Variants in NLRP1 observed in about 807,000 individuals in gnomAD.
NLRP1 encodes the protein NLR family pyrin domain containing 1, also known as NACHT, LRR and PYD domains-containing protein 1.
In NLRP1, 94 loss-of-function variants were observed where a neutral mutation model predicts 136.7. That is an observed-to-expected ratio of 0.69 (90% CI 0.58 to 0.82). The LOEUF (loss-of-function observed/expected upper bound fraction) is 0.82, where lower values mean the gene tolerates loss of function less well. Among genes scored for constraint, NLRP1 ranks in the 40% least tolerant of loss-of-function variants. NLRP1 has a pLI of 0.00. For missense variants in NLRP1, 1,575 were observed against 1,802.7 expected, an observed-to-expected ratio of 0.87 and a Z score of 2.29; for synonymous variants, 690 against 725.1, an observed-to-expected ratio of 0.95 and a Z score of 0.78.
rs1462525729 is a variant in NLRP1 at position 5,515,461 on chromosome 17, G to C, written c.4102+12C>G. 1 of 1,609,498 alleles carries C rather than the reference G, an allele frequency of 6.2e-7. No individual in the cohort carries two copies. The highest frequency in any genetic ancestry group is 2.2e-5 in the East Asian group (1 of 44,840). On this transcript the variant is annotated intron_variant, in intron 16 of 16. Coordinates refer to ENST00000572272, the MANE Select transcript of NLRP1 (RefSeq NM_033004.4). ...CCACCGCCTCCTGTGGTCTCTGAGA[G>C]CTGTTACTGACCTATGCGGGCTGGA... is the stretch of plus-strand genomic sequence containing the variant.
chr17:5,520,357 GCA>G (rs933326275), intron 14 of NLRP1, among the ~76,000 whole-genome samples: 1 of 152,106 alleles, frequency 6.6e-6, no homozygotes, highest in Non-Finnish European at 1.5e-5. Flanking sequence ...CTATGCCTCT[GCA>G]CACATTCCTT....
intron 8 of NLRP1, among the ~76,000 whole-genome samples, chr17:5,535,537 C>T (rs1910934651): frequency 6.6e-6 from 1 of 152,188 alleles, no homozygotes; most frequent in South Asian, 2.1e-4. Context: ...CATAGGTGCA[C>T]TCACACTGAC....
At chr17:5,509,472 A>G (rs1301150951), downstream of NLRP1, among the ~76,000 whole-genome samples, 1 of 152,194 alleles carries the variant, frequency 6.6e-6, no homozygotes, top group Non-Finnish European at 1.5e-5. Context: ...CACCTGGCAA[A>G]TCCTACTCCT....
At position 5,525,219 on chromosome 17, in the gene NLRP1, A is replaced by C. The variant is rs182051116; in HGVS notation, c.3521-3433T>G. On this transcript the variant is annotated intron_variant, in intron 12 of 16. Coordinates refer to ENST00000572272, the MANE Select transcript of NLRP1 (RefSeq NM_033004.4). Reference sequence around the variant, plus strand: ...GCATCTGCTTATTACACAAAAGCTTACTGAGTACGGACAATGTGCCAGCCC... The same window carrying C: ...GCATCTGCTTATTACACAAAAGCTTCCTGAGTACGGACAATGTGCCAGCCC... Among the ~76,000 whole-genome samples the C allele has an allele frequency of 1.4e-4, 21 of 152,344 alleles. No individual in the cohort carries two copies. In the Middle Eastern group the frequency reaches 0.017, roughly 123 times the overall value.
chr17:5,534,134 G>A, intron 8 of NLRP1, 146 bp from the exon 9 acceptor site: 1 of 712,364 alleles, frequency 1.4e-6, no homozygotes, highest in Non-Finnish European at 2.6e-6. Context: ...GGCCGGGATG[G>A]GTGGATAGCT....
At chr17:5,572,645 G>T (rs1043482970) in intron 3 of NLRP1, among the ~76,000 whole-genome samples, 2 of 150,844 alleles carry the variant, frequency 1.3e-5, no homozygotes, top group South Asian at 4.2e-4. Flanking sequence ...GTGAGGTGGA[G>T]GTTGCAATGA....
intron 3 of NLRP1, among the ~76,000 whole-genome samples, chr17:5,580,179 G>A (rs1312804522): frequency 6.6e-6 from 1 of 152,160 alleles, no homozygotes; most frequent in Non-Finnish European, 1.5e-5. Flanking sequence ...AGCTTGCAGT[G>A]AGTGGAGATC....
At chr17:5,573,163 A>C (rs1441089259) in intron 3 of NLRP1, among the ~76,000 whole-genome samples, 1 of 152,190 alleles carries the variant, frequency 6.6e-6, no homozygotes. Context: ...GCACACCAGG[A>C]GATTATATCC....
intron 16 of NLRP1, 115 bp from the exon 17 acceptor site, chr17:5,515,188 C>G: frequency 9.9e-7 from 1 of 1,008,830 alleles, no homozygotes; most frequent in South Asian, 1.5e-5. Context: ...AGAAATGCAC[C>G]TGTGTCCTCC....
At chr17:5,519,042 G>A (rs919528726) in intron 14 of NLRP1, among the ~76,000 whole-genome samples, 15 of 148,614 alleles carry the variant, frequency 1.0e-4, no homozygotes, top group African/African-American at 2.7e-4. Context: ...TCGCTCTGTC[G>A]CCCAGGCTGG....
intron 15 of NLRP1, among the ~76,000 whole-genome samples, chr17:5,508,685 A>G (rs1907479326): frequency 6.6e-6 from 1 of 152,242 alleles, no homozygotes; most frequent in Non-Finnish European, 1.5e-5. Context: ...ATGCAGGGGA[A>G]GATTATCCTG....
rs970326050 is a variant in NLRP1 at position 5,533,930 on chromosome 17, T to C, written c.3019A>G (p.Thr1007Ala). The C allele has an allele frequency of 1.2e-6, 2 of 1,613,284 alleles. No individual in the cohort carries two copies. Among genetic ancestry groups the C allele is most frequent in the Non-Finnish European group, 8.5e-7 (1 of 1,179,432 alleles). Residue 1007 changes from threonine (T) to alanine (A), a missense_variant, in exon 9 of 17, where the codon ACA becomes GCA. By Grantham distance (58) the Thr-to-Ala change is moderately conservative. Coordinates refer to ENST00000572272, the MANE Select transcript of NLRP1 (RefSeq NM_033004.4). ...AGTCTCTGCCGCTTGAGTGAGGATGTGCTATTACTCATCTCTCCCGTATCC... is the reference window on the plus strand; with the variant it reads ...AGTCTCTGCCGCTTGAGTGAGGATGCGCTATTACTCATCTCTCCCGTATCC... Reference protein sequence around the residue: ...GLDTGEMSNSTSSLKRQRLGS... With the variant: ...GLDTGEMSNSASSLKRQRLGS...
chr17:5,513,269 A>AT (rs1372645496), downstream of NLRP1, among the ~76,000 whole-genome samples: 3 of 151,614 alleles, frequency 2.0e-5, no homozygotes, highest in Non-Finnish European at 2.9e-5. Context: ...TTTCTTTCTT[A>AT]TTTTTTTAAA....
intron 3 of NLRP1, among the ~76,000 whole-genome samples, chr17:5,574,978 TAAAGA>T (rs1904865204): frequency 6.6e-6 from 1 of 152,058 alleles, no homozygotes; most frequent in Non-Finnish European, 1.5e-5. Flanking sequence ...TCAACTTTCT[TAAAGA>T]AAAGAATTTT....
At chr17:5,521,143 C>G (rs1425156609) in intron 13 of NLRP1, 131 bp from the exon 14 acceptor site, 14 of 869,750 alleles carry the variant, frequency 1.6e-5, no homozygotes, top group Admixed American at 5.7e-5. Flanking sequence ...TCCCTCCCCC[C>G]ATGCACTGCT....
chr17:5,544,204 C>A (rs1312091504), intron 5 of NLRP1, among the ~76,000 whole-genome samples: 1 of 152,132 alleles, frequency 6.6e-6, no homozygotes, highest in South Asian at 2.1e-4. Flanking sequence ...ATTATTGCCA[C>A]GCTTTATCTC....
chr17:5,581,940 G>T lies in NLRP1; in HGVS notation c.571C>A (p.Gln191Lys), dbSNP rs1905705270. 6.2e-7 allele frequency: 1 copy of T among 1,613,820 alleles called. No homozygotes were observed. Among genetic ancestry groups the T allele is most frequent in the Non-Finnish European group, 8.5e-7 (1 of 1,179,920 alleles). Residue 191 changes from glutamine to lysine, a missense_variant, in exon 3 of 17, where the codon CAG (glutamine) becomes AAG (lysine). Transcript: ENST00000572272. ...AVLGSWGSPP[Q>K]PSLAPREQEA... ...TGCTCTCTGGGTGCTAGGCTGGGCT[G>T]AGGTGGGGATCCCCAGCTCCCCAGC...
intron 8 of NLRP1, among the ~76,000 whole-genome samples, chr17:5,534,659 T>C (rs75520295): frequency 0.065 from 9,961 of 152,280 alleles, 451 homozygotes; most frequent in Non-Finnish European, 0.096. Flanking sequence ...AAGGTCTCCC[T>C]GCTTCTGCTC....
chr17:5,551,302 T>C (rs1913328693), intron 5 of NLRP1, among the ~76,000 whole-genome samples: 1 of 152,226 alleles, frequency 6.6e-6, no homozygotes, highest in African/African-American at 2.4e-5. Flanking sequence ...CCTTTTTAGA[T>C]TGGCTTCTTT....
Sources: gnomAD v4.1 joint callset for allele counts (sites outside exome capture counted in the v4.1 genomes callset) on GRCh38, gnomAD v4.1.1 for gene constraint, MANE v1.5 for transcripts, NCBI Gene and HGNC (gene_info 2026-07-23, HGNC 2026-07-21) for gene names.